Variants in COMMD10 observed in about 807,000 individuals in gnomAD.
COMMD10 encodes the protein COMM domain containing 10.
In COMMD10, 33 loss-of-function variants were observed where a neutral mutation model predicts 28.9. That is an observed-to-expected ratio of 1.14 (90% CI 0.87 to 1.53). The LOEUF (loss-of-function observed/expected upper bound fraction) is 1.53. COMMD10 is among the 40% of genes most tolerant of loss of function. The pLI is 0.00. For synonymous variants in COMMD10, 110 were observed against 81.7 expected (o/e 1.35, Z -1.87); for missense variants, 310 against 233.4 (o/e 1.33, Z -2.14).
chr5:116,239,510 A>G (rs1225961801), intron 5 of COMMD10, among the ~76,000 whole-genome samples: 2 of 152,192 alleles, frequency 1.3e-5, no homozygotes, highest in Non-Finnish European at 2.9e-5. Context: ...TTTGAGCAGT[A>G]CATTTTAAAA....
At position 116,289,520 on chromosome 5, in the gene COMMD10, TCAGTGCCTTC is replaced by T. The variant is rs1357747804; in HGVS notation, c.511-1994_511-1985del. Among the ~76,000 whole-genome samples the T allele has an allele frequency of 4.5e-4, 68 of 152,000 alleles. 1 individual carries two copies. Among genetic ancestry groups the T allele is most frequent in the African/African-American group, 1.6e-3 (67 of 41,294 alleles). On this transcript the variant is annotated intron_variant, in intron 5 of 6. Coordinates refer to ENST00000274458, the MANE Select transcript of COMMD10 (RefSeq NM_016144.4). ...TCTAATATGCCTCTCACCTCTGTTT[TCAGTGCCTTC>T]CAAACGCTGGTGCTGGGCGTGTGAG...
intron 4 of COMMD10, among the ~76,000 whole-genome samples, chr5:116,093,388 C>G (rs926612399): frequency 6.6e-6 from 1 of 152,110 alleles, no homozygotes; most frequent in Non-Finnish European, 1.5e-5. Context: ...GGTGGACAGC[C>G]TTGCTGGGAT....
rs933522393 is a variant in COMMD10, at chr5:116,272,832, G to T, written c.511-18685G>T. Among the ~76,000 whole-genome samples the T allele has an allele frequency of 3.2e-4, 48 of 151,888 alleles. 2 individuals carry two copies. The highest frequency in any genetic ancestry group is 3.4e-3 in the Middle Eastern group (1 of 294). Reference sequence around the variant, plus strand: ...GTAAGCTGAACCAATTGAGATGTCTGTGGTGTTGGCTCTGGTTTCTGCTCT... The same window carrying T: ...GTAAGCTGAACCAATTGAGATGTCTTTGGTGTTGGCTCTGGTTTCTGCTCT... On this transcript the variant is annotated intron_variant, in intron 5 of 6. Coordinates refer to ENST00000274458, the MANE Select transcript of COMMD10 (RefSeq NM_016144.4).
At chr5:116,216,844 A>G (rs1054757982) in intron 5 of COMMD10, among the ~76,000 whole-genome samples, 1 of 152,130 alleles carries the variant, frequency 6.6e-6, no homozygotes, top group Non-Finnish European at 1.5e-5. Flanking sequence ...CTAGCATAGA[A>G]ATTTCTAAAG....
intron 5 of COMMD10, chr5:116,188,562 CTCTT>C (rs917697549): frequency 2.0e-5 from 3 of 151,572 alleles, no homozygotes; most frequent in South Asian, 2.1e-4. Context: ...CATGGTTTTT[CTCTT>C]TCTTTCTTCT....
At chr5:116,209,322 T>C (rs1748899974) in intron 5 of COMMD10, among the ~76,000 whole-genome samples, 1 of 152,202 alleles carries the variant, frequency 6.6e-6, no homozygotes, top group Admixed American at 6.5e-5. Flanking sequence ...TTTCATTGTT[T>C]TAGAACAGAA....
intron 5 of COMMD10, among the ~76,000 whole-genome samples, chr5:116,154,028 G>A (rs1752623493): frequency 6.6e-6 from 1 of 152,042 alleles, no homozygotes; most frequent in Admixed American, 6.6e-5. Context: ...ATAAAAGTAG[G>A]CAAGAGGTCA....
chr5:116,170,161 T>C (rs548745845), intron 5 of COMMD10, among the ~76,000 whole-genome samples: 1 of 152,298 alleles, frequency 6.6e-6, no homozygotes, highest in East Asian at 1.9e-4. Context: ...AAAATCAGTG[T>C]GCACAAATCA....
intron 5 of COMMD10, among the ~76,000 whole-genome samples, chr5:116,238,647 A>G (rs986899127): frequency 6.6e-6 from 1 of 152,186 alleles, no homozygotes; most frequent in African/African-American, 2.4e-5. Flanking sequence ...AGGAGTTCAT[A>G]TTCAATTTAA....
At chr5:116,108,076 C>G (rs970542074) in intron 4 of COMMD10, among the ~76,000 whole-genome samples, 1 of 152,214 alleles carries the variant, frequency 6.6e-6, no homozygotes, top group Non-Finnish European at 1.5e-5. Context: ...CACAAGATGC[C>G]AGCCCCAGCT....
intron 5 of COMMD10, among the ~76,000 whole-genome samples, chr5:116,158,166 TCTC>T (rs1752789156): frequency 8.4e-5 from 4 of 47,436 alleles, no homozygotes; most frequent in African/African-American, 2.2e-4. Flanking sequence ...CCCTCCCTCC[TCTC>T]CCTCCGTCTC....
intron 5 of COMMD10, among the ~76,000 whole-genome samples, chr5:116,175,565 A>G (rs55783029): frequency 0.51 from 77,265 of 152,006 alleles, 22,322 homozygotes; most frequent in Non-Finnish European, 0.65. Context: ...TCAGATATTT[A>G]TCCACCCATG....
chr5:116,288,529 C>T (rs1751280975), intron 5 of COMMD10, among the ~76,000 whole-genome samples: 1 of 151,794 alleles, frequency 6.6e-6, no homozygotes, highest in Non-Finnish European at 1.5e-5. Context: ...CAGATAAGCT[C>T]TCTTATTTTT....
chr5:116,239,437 A>G (rs912603815), intron 5 of COMMD10, among the ~76,000 whole-genome samples: 1 of 152,046 alleles, frequency 6.6e-6, no homozygotes, highest in African/African-American at 2.4e-5. Flanking sequence ...TTTTTAAAAA[A>G]CTCGTATCAT....
chr5:116,101,503 T>G lies in COMMD10; in HGVS notation c.399+8803T>G, dbSNP rs1750657349. On this transcript the variant is annotated intron_variant, in intron 4 of 6. Coordinates refer to ENST00000274458, the MANE Select transcript of COMMD10 (RefSeq NM_016144.4). The stretch of plus-strand genomic sequence containing the variant: ...TTGCAATGGTGTGACCTCGGCTCAC[T>G]GCAACCTCCGCCTCCCAGGTTCAAG... 5.3e-5 allele frequency among the ~76,000 whole-genome samples: 8 copies of G among 152,290 alleles called. No individual in the cohort carries two copies. In the South Asian group the frequency reaches 1.7e-3, roughly 32 times the overall value.
At chr5:116,214,370 A>T (rs1197602018) in intron 5 of COMMD10, among the ~76,000 whole-genome samples, 1 of 152,156 alleles carries the variant, frequency 6.6e-6, no homozygotes, top group Non-Finnish European at 1.5e-5. Context: ...TGGAAATTAA[A>T]TTTTTTAAAA....
intron 5 of COMMD10, among the ~76,000 whole-genome samples, chr5:116,235,360 C>T (rs1401124245): frequency 6.6e-6 from 1 of 152,122 alleles, no homozygotes; most frequent in East Asian, 1.9e-4. Flanking sequence ...TTTCGAGTTC[C>T]AAGTTGAATC....
At chr5:116,098,684 C>T (rs995438364) in intron 4 of COMMD10, among the ~76,000 whole-genome samples, 1 of 151,918 alleles carries the variant, frequency 6.6e-6, no homozygotes, top group Non-Finnish European at 1.5e-5. Flanking sequence ...TGTAGGGGGT[C>T]CTGGAACCAG....
chr5:116,158,860 T>C (rs1752826699), intron 5 of COMMD10, among the ~76,000 whole-genome samples: 2 of 151,768 alleles, frequency 1.3e-5, no homozygotes, highest in Admixed American at 6.6e-5. Flanking sequence ...TGTTTTTTTT[T>C]TTCCCCCCCT....
Sources: gnomAD v4.1 joint callset for allele counts (sites outside exome capture counted in the v4.1 genomes callset) on GRCh38, gnomAD v4.1.1 for gene constraint, MANE v1.5 for transcripts, NCBI Gene and HGNC (gene_info 2026-07-23, HGNC 2026-07-21) for gene names.